PIP4P2: variants seen among roughly 807,000 people sequenced by gnomAD.
The protein encoded by PIP4P2 is phosphatidylinositol-4,5-bisphosphate 4-phosphatase 2.
Under a neutral mutation model 33.3 loss-of-function variants are expected in PIP4P2, and 19 were observed. That is an observed-to-expected ratio of 0.57 (90% CI 0.40 to 0.84). The LOEUF (loss-of-function observed/expected upper bound fraction) is 0.84, where lower values mean the gene tolerates loss of function less well. Ranked by LOEUF, PIP4P2 falls within the 40% of genes least tolerant of loss-of-function variation. The pLI is 0.00. For missense variants in PIP4P2, 270 were observed against 324.7 expected (o/e 0.83, Z 1.29); for synonymous variants, 110 against 111.9 (o/e 0.98, Z 0.11).
rs34482470 is a variant in PIP4P2 at position 91,032,780 on chromosome 8, CA to C, written c.106+7863del. On this transcript the variant is annotated intron_variant, in intron 1 of 6. Coordinates refer to ENST00000285419, the MANE Select transcript of PIP4P2 (RefSeq NM_018710.3). ...TGGGCAACAGAGTGAGAGTCTGTCT[CA>C]AAAAAAAAAAAAAAAAAAAAGAAAG... 6.6e-3 allele frequency among the ~76,000 whole-genome samples: 651 copies of C among 98,652 alleles called. 2 individuals are homozygous for C. Among genetic ancestry groups the C allele is most frequent in the African/African-American group, 0.012 (303 of 24,580 alleles). The allele number at this position is 98,652 out of a possible 152,430, so 64.7% of individuals were successfully genotyped here.
chr8:90,995,836 AT>A lies in PIP4P2; in HGVS notation c.631-17del. ...GGGTGCCAACCTAAAATAAAAAGCA[AT>A]ATAAAAACAAAATATTAGAAACTTT... On this transcript the variant is annotated splice_polypyrimidine_tract_variant and intron_variant, in intron 6 of 6. Coordinates refer to ENST00000285419, the MANE Select transcript of PIP4P2 (RefSeq NM_018710.3). The A allele has an allele frequency of 6.3e-7, 1 of 1,588,578 alleles. No homozygotes were observed. The highest frequency in any genetic ancestry group is 8.5e-7 in the Non-Finnish European group (1 of 1,172,874).
intron 5 of PIP4P2, 137 bp downstream of exon 5, chr8:91,008,606 T>TA: frequency 1.6e-6 from 1 of 624,250 alleles, no homozygotes; most frequent in Non-Finnish European, 2.6e-6. Flanking sequence ...TTTTTAGTCT[T>TA]AAAAAGCATA....
intron 4 of PIP4P2, among the ~76,000 whole-genome samples, chr8:91,014,306 C>T (rs1811881913): frequency 6.6e-6 from 1 of 152,068 alleles, no homozygotes; most frequent in Non-Finnish European, 1.5e-5. Flanking sequence ...AAGCTCATTG[C>T]AGCATTATTC....
Position 90,996,691 on chromosome 8 carries a change from A to C in PIP4P2, c.593T>G (p.Ile198Ser). Residue 198 changes from isoleucine (I) to serine (S), a missense_variant, in exon 6 of 7, where the codon ATT (isoleucine) becomes AGT (serine). Transcript: ENST00000285419. ...PRRRCCAYIT[I>S]GMICIFIGVG... ...TCCAATGAAAATACATATCATTCCA[A>C]TGGTAATATATGCACAGCAGCGTCT... 1 of 1,610,416 alleles carries C rather than the reference A, an allele frequency of 6.2e-7. No individual in the cohort carries two copies. The highest frequency in any genetic ancestry group is 8.5e-7 in the Non-Finnish European group (1 of 1,178,154).
rs1212905074 is a variant in PIP4P2, at chr8:91,019,411, A to T, written c.362+746T>A. ...CTGTCTCTACAAAAAAAAAAAAAAAAAAAAAAAAAAAAATATATTACCTGG... is the reference window on the plus strand; with the variant it reads ...CTGTCTCTACAAAAAAAAAAAAAAATAAAAAAAAAAAAATATATTACCTGG... On this transcript the variant is annotated intron_variant, in intron 3 of 6. Transcript: ENST00000285419. Among the ~76,000 whole-genome samples, 421 of 138,382 alleles carry T rather than the reference A, an allele frequency of 3.0e-3. 6 individuals carry two copies. Among genetic ancestry groups the T allele is most frequent in the Non-Finnish European group, 5.6e-3 (347 of 61,586 alleles). 90.8% of individuals were successfully genotyped at this position (138,382 alleles called of 152,430 possible).
chr8:91,005,219 C>T (rs1158500428), intron 5 of PIP4P2, among the ~76,000 whole-genome samples: 4 of 152,140 alleles, frequency 2.6e-5, no homozygotes, highest in Non-Finnish European at 4.4e-5. Flanking sequence ...TCTACAGCCT[C>T]TCAGAAATAG....
chr8:91,000,598 A>C (rs1811687753), intron 5 of PIP4P2, among the ~76,000 whole-genome samples: 1 of 151,694 alleles, frequency 6.6e-6, no homozygotes, highest in Admixed American at 6.6e-5. Flanking sequence ...TCTGGCTTCT[A>C]TTTTTGCTGT....
intron 5 of PIP4P2, among the ~76,000 whole-genome samples, chr8:91,005,006 A>C (rs2130354177): frequency 6.6e-6 from 1 of 152,248 alleles, no homozygotes; most frequent in African/African-American, 2.4e-5. Flanking sequence ...AATTTTTTCA[A>C]CTCTCAGTTA....
intron 3 of PIP4P2, among the ~76,000 whole-genome samples, chr8:91,019,170 A>G (rs770586704): frequency 5.3e-5 from 8 of 152,120 alleles, no homozygotes; most frequent in Non-Finnish European, 1.2e-4. Flanking sequence ...TATTGCACAT[A>G]TACATTCAGC....
At chr8:90,996,805 T>C (rs934402993) in intron 5 of PIP4P2, 61 bp from the exon 6 acceptor site, 1 of 1,331,722 alleles carries the variant, frequency 7.5e-7, no homozygotes, top group Non-Finnish European at 1.0e-6. Context: ...CTCTATTTCA[T>C]TTTTGTGAGT....
At chr8:91,040,513 A>G in intron 1 of PIP4P2, 131 bp downstream of exon 1, 1 of 1,026,538 alleles carries the variant, frequency 9.7e-7, no homozygotes, top group East Asian at 2.6e-5. Context: ...AGGCACAGTC[A>G]GCATCCTTCC....
chr8:90,995,672 C>A lies in PIP4P2; in HGVS notation c.*5G>T, dbSNP rs1811618739. ...CTCACCTGCATTACTGAATCATAAA[C>A]AAGCTTATGCAAAACTGTGTTCTGG... is the stretch of plus-strand genomic sequence containing the variant. On this transcript the variant is annotated 3_prime_UTR_variant, in exon 7 of 7. Coordinates refer to ENST00000285419, the MANE Select transcript of PIP4P2 (RefSeq NM_018710.3). 1 of 1,606,428 alleles carries A rather than the reference C, an allele frequency of 6.2e-7. No individual in the cohort carries two copies. Among genetic ancestry groups the A allele is most frequent in the African/African-American group, 1.3e-5 (1 of 74,412 alleles).
Position 91,020,253 on chromosome 8 carries a change from T to G in PIP4P2, c.266A>C (p.Asn89Thr). The G allele has an allele frequency of 2.5e-6, 4 of 1,611,674 alleles. 1 individual carries two copies. In the South Asian group the frequency reaches 3.3e-5, roughly 13 times the overall value. ...TVCNEATPIK[N>T]PPTGKKYVRC... ...AACATATTTCTTGCCTGTTGGGGGG[T>G]TTTTGATTGGCTGGATAAGGGAAGA... The change falls in exon 3 of 7, where the codon AAC becomes ACC. Residue 89 changes from asparagine to threonine, a missense_variant. Transcript: ENST00000285419.
At chr8:91,007,244 A>T (rs1297220031) in intron 5 of PIP4P2, among the ~76,000 whole-genome samples, 1 of 152,214 alleles carries the variant, frequency 6.6e-6, no homozygotes, top group African/African-American at 2.4e-5. Context: ...GTAAGGAATC[A>T]GAATGATTAA....
chr8:91,020,960 G>A (rs1339999253), intron 2 of PIP4P2, among the ~76,000 whole-genome samples: 1 of 152,156 alleles, frequency 6.6e-6, no homozygotes, highest in Non-Finnish European at 1.5e-5. Context: ...TAGTTGTGAT[G>A]TGGATAGATA....
chr8:91,012,676 T>G (rs1586178394), intron 4 of PIP4P2, among the ~76,000 whole-genome samples: 1 of 152,302 alleles, frequency 6.6e-6, no homozygotes, highest in Non-Finnish European at 1.5e-5. Flanking sequence ...ATAGTTACTC[T>G]GCTAATATGA....
At chr8:91,021,821 T>A (rs1048757089) in intron 1 of PIP4P2, among the ~76,000 whole-genome samples, 2 of 152,186 alleles carry the variant, frequency 1.3e-5, no homozygotes, top group African/African-American at 4.8e-5. Context: ...AAATTGCTTA[T>A]CCATACATAT....
chr8:91,000,769 A>T (rs1811689345), intron 5 of PIP4P2, among the ~76,000 whole-genome samples: 1 of 151,968 alleles, frequency 6.6e-6, no homozygotes, highest in Non-Finnish European at 1.5e-5. Flanking sequence ...TGAATATAAA[A>T]ATTCATATCT....
rs1811616825 is a variant in PIP4P2, at chr8:90,995,516, T to C, written c.*161A>G. 1.3e-6 allele frequency: 1 copy of C among 765,444 alleles called. No homozygotes were observed. Among genetic ancestry groups the C allele is most frequent in the East Asian group, 3.3e-5 (1 of 30,234 alleles). The allele number at this position is 765,444 out of a possible 1,614,324, so 47.4% of individuals were successfully genotyped here. On this transcript the variant is annotated 3_prime_UTR_variant, in exon 7 of 7. Transcript: ENST00000285419. Reference sequence around the variant, plus strand: ...GCAGCAAAACAATTTGCATATAATATAGTGCAATGAGCATTTGTTCATAAA... The same window carrying C: ...GCAGCAAAACAATTTGCATATAATACAGTGCAATGAGCATTTGTTCATAAA...
Sources: gnomAD v4.1 joint callset for allele counts (sites outside exome capture counted in the v4.1 genomes callset) on GRCh38, gnomAD v4.1.1 for gene constraint, MANE v1.5 for transcripts, NCBI Gene and HGNC (gene_info 2026-07-23, HGNC 2026-07-21) for gene names.